The following POLA1 variants were observed in gnomAD, a reference collection of about 807,000 sequenced individuals.
POLA1 encodes the protein DNA polymerase alpha catalytic subunit.
A neutral mutation model predicts 124.0 loss-of-function variants in POLA1; 15 were observed. The ratio of observed to expected loss-of-function variants is 0.12; its 90% confidence interval spans 0.08 to 0.19. The LOEUF (loss-of-function observed/expected upper bound fraction) is 0.19, where lower values mean the gene tolerates loss of function less well. Among genes scored for constraint, POLA1 ranks in the 10% least tolerant of loss-of-function variants. The pLI, the probability that POLA1 is intolerant of heterozygous loss-of-function variation, is 1.00. For missense variants in POLA1, 886 were observed against 1,103.4 expected (o/e 0.80, Z 2.79); for synonymous variants, 408 against 389.4 (o/e 1.05, Z -0.56).
chrX:24,976,363 A>T lies in POLA1; in HGVS notation c.4262-19442A>T, dbSNP rs1390701994. 4.4e-5 allele frequency among the ~76,000 whole-genome samples: 5 copies of T among 112,416 alleles called. No individual in the cohort carries two copies. The Admixed American group carries it at 4.7e-4, about 11-fold the overall frequency. ...CCTGCCCACCTCTGTATGCACAGCC[A>T]CAACTTCAAGTAATTACAATAAAGT... On this transcript the variant is annotated intron_variant, in intron 36 of 36. Transcript: ENST00000379068.
chrX:24,731,618 G>A (rs1363731267), intron 15 of POLA1, among the ~76,000 whole-genome samples: 2 of 111,374 alleles, frequency 1.8e-5, no homozygotes, highest in Non-Finnish European at 1.9e-5. Context: ...TCACAACTCA[G>A]GGGGTCTGGG....
intron 35 of POLA1, among the ~76,000 whole-genome samples, chrX:24,926,341 G>T (rs1487612263): frequency 9.0e-6 from 1 of 111,402 alleles, no homozygotes; most frequent in East Asian, 2.8e-4. Flanking sequence ...GGGAATAAGG[G>T]GGGCCTCTGG....
intron 36 of POLA1, among the ~76,000 whole-genome samples, chrX:24,932,125 C>T (rs1200430778): frequency 2.7e-5 from 3 of 112,655 alleles, no homozygotes; most frequent in Non-Finnish European, 5.6e-5. Context: ...CCTCAAACCC[C>T]TGACCTCAGG....
At chrX:24,893,680 G>A (rs139872721) in intron 35 of POLA1, among the ~76,000 whole-genome samples, 268 of 111,702 alleles carry the variant, frequency 2.4e-3, no homozygotes, top group Admixed American at 5.6e-3. Context: ...CTTTCACCTC[G>A]CATAACATTT....
chrX:24,834,274 A>C (rs924714322), intron 32 of POLA1, among the ~76,000 whole-genome samples: 3 of 111,863 alleles, frequency 2.7e-5, no homozygotes, highest in Non-Finnish European at 3.8e-5. Context: ...TATTCTGTCA[A>C]GATTTTGAGA....
intron 34 of POLA1, among the ~76,000 whole-genome samples, chrX:24,880,497 A>T (rs1299197274): frequency 1.8e-5 from 2 of 111,802 alleles, no homozygotes; most frequent in African/African-American, 6.5e-5. Flanking sequence ...GGACTTAATA[A>T]TCACTCTTTG....
intron 35 of POLA1, among the ~76,000 whole-genome samples, chrX:24,893,907 T>C (rs1212724575): frequency 9.0e-6 from 1 of 111,419 alleles, no homozygotes; most frequent in Non-Finnish European, 1.9e-5. Context: ...TCATTGGTCC[T>C]ACCTCAGCTG....
At chrX:24,761,069 T>C (rs1348503620) in intron 26 of POLA1, among the ~76,000 whole-genome samples, 1 of 112,300 alleles carries the variant, frequency 8.9e-6, no homozygotes, top group Non-Finnish European at 1.9e-5. Flanking sequence ...GAAAAGTGAA[T>C]TTTTACTCAC....
intron 32 of POLA1, 86 bp downstream of exon 32, chrX:24,826,687 G>A (rs1034700231): frequency 2.2e-5 from 13 of 587,465 alleles, no homozygotes; most frequent in South Asian, 7.0e-5. Flanking sequence ...CTGCTTATGG[G>A]CATGGTATTG....
At chrX:24,902,289 A>T (rs1246635890) in intron 35 of POLA1, among the ~76,000 whole-genome samples, 1 of 112,346 alleles carries the variant, frequency 8.9e-6, no homozygotes, top group African/African-American at 3.2e-5. Flanking sequence ...GAAGTTGAGG[A>T]GGCAGAAAGA....
chrX:24,979,150 TAGA>T (rs1261740551), intron 36 of POLA1, among the ~76,000 whole-genome samples: 1 of 112,191 alleles, frequency 8.9e-6, no homozygotes, highest in Non-Finnish European at 1.9e-5. Flanking sequence ...ATAAGAGTTT[TAGA>T]AGAATTTAGA....
At chrX:24,969,251 C>T (rs1015516073) in intron 36 of POLA1, among the ~76,000 whole-genome samples, 1 of 110,420 alleles carries the variant, frequency 9.1e-6, no homozygotes, top group African/African-American at 3.3e-5. Context: ...GAAAGGGGGC[C>T]TGCATAGAAG....
intron 34 of POLA1, among the ~76,000 whole-genome samples, chrX:24,857,700 TG>T (rs1390613645): frequency 1.8e-5 from 2 of 111,977 alleles, no homozygotes; most frequent in African/African-American, 3.2e-5. Context: ...TCTACATAAA[TG>T]CATTGTTAAT....
At chrX:24,760,533 A>G (rs892389413) in intron 26 of POLA1, among the ~76,000 whole-genome samples, 1 of 112,134 alleles carries the variant, frequency 8.9e-6, no homozygotes, top group East Asian at 2.8e-4. Context: ...TGGCTTTAGC[A>G]TACCCGTCAC....
intron 26 of POLA1, among the ~76,000 whole-genome samples, chrX:24,753,258 T>G (rs1264857159): frequency 8.1e-5 from 9 of 110,952 alleles, no homozygotes; most frequent in Admixed American, 4.8e-4. Flanking sequence ...GACCTCCGGA[T>G]CCACCTGCCT....
At chrX:24,885,878 A>G (rs2047059035) in intron 34 of POLA1, among the ~76,000 whole-genome samples, 1 of 112,323 alleles carries the variant, frequency 8.9e-6, no homozygotes, top group African/African-American at 3.2e-5. Flanking sequence ...CTCTTGACTT[A>G]ACAGCTTTTT....
chrX:24,824,461 T>C (rs1167605225), intron 31 of POLA1, among the ~76,000 whole-genome samples: 1 of 70,705 alleles, frequency 1.4e-5, no homozygotes, highest in East Asian at 4.0e-4. Context: ...CCTGGCTAAC[T>C]TTTTTTTTTT....
At chrX:24,811,726 G>A (rs752712885) in intron 28 of POLA1, among the ~76,000 whole-genome samples, 1 of 107,823 alleles carries the variant, frequency 9.3e-6, no homozygotes, top group Admixed American at 9.9e-5. Context: ...ATGTGTTCAC[G>A]TTAGTACTTA....
At chrX:24,726,887 G>A in intron 13 of POLA1, 46 bp from the exon 14 acceptor site, 1 of 1,043,881 alleles carries the variant, frequency 9.6e-7, no homozygotes. Flanking sequence ...AAAATGCAAA[G>A]TAATAGTTTT....
Sources: gnomAD v4.1 joint callset for allele counts (sites outside exome capture counted in the v4.1 genomes callset) on GRCh38, gnomAD v4.1.1 for gene constraint, MANE v1.5 for transcripts, NCBI Gene and HGNC (gene_info 2026-07-23, HGNC 2026-07-21) for gene names.